Variants in TMPRSS15 observed in about 807,000 individuals in gnomAD.
The protein encoded by TMPRSS15 is enteropeptidase.
In TMPRSS15, 128 loss-of-function variants were observed where a neutral mutation model predicts 125.3. The observed-to-expected ratio is 1.02, with a 90% CI of 0.89 to 1.18. TMPRSS15 has a LOEUF of 1.18. TMPRSS15 is among the 50% of genes most tolerant of loss of function. The pLI is 0.00. For synonymous variants in TMPRSS15, 446 were observed against 423.2 expected (o/e 1.05, Z -0.66); for missense variants, 1,283 against 1,212.7 (o/e 1.06, Z -0.86).
At chr21:18,353,915 C>G in intron 8 of TMPRSS15, 52 bp from the exon 9 acceptor site, 1 of 1,539,268 alleles carries the variant, frequency 6.5e-7, no homozygotes, top group Non-Finnish European at 9.0e-7. Flanking sequence ...CTGTTCATCT[C>G]TCTATCCATC....
intron 18 of TMPRSS15, among the ~76,000 whole-genome samples, chr21:18,309,745 G>A (rs933536097): frequency 1.3e-5 from 2 of 152,162 alleles, no homozygotes; most frequent in Non-Finnish European, 2.9e-5. Flanking sequence ...TCTCACGCCA[G>A]TTAGAACGGT....
chr21:18,426,779 G>A (rs2076203422), intron 1 of TMPRSS15, among the ~76,000 whole-genome samples: 1 of 152,142 alleles, frequency 6.6e-6, no homozygotes, highest in South Asian at 2.1e-4. Flanking sequence ...AAATAAGAAT[G>A]TGGAAAAAAT....
chr21:18,279,742 T>C (rs1349796285), intron 22 of TMPRSS15, among the ~76,000 whole-genome samples: 1 of 152,192 alleles, frequency 6.6e-6, no homozygotes, highest in African/African-American at 2.4e-5. Flanking sequence ...GCCAGTTCTC[T>C]GAAAATTATG....
chr21:18,300,356 C>CT (rs10711798), intron 18 of TMPRSS15, among the ~76,000 whole-genome samples: 41 of 134,412 alleles, frequency 3.1e-4, no homozygotes, highest in Admixed American at 2.1e-3. Context: ...CTTTCTTTCT[C>CT]TTTTTTTTTT....
chr21:18,312,660 A>G (rs991571549), intron 18 of TMPRSS15, among the ~76,000 whole-genome samples: 1 of 151,898 alleles, frequency 6.6e-6, no homozygotes, highest in Non-Finnish European at 1.5e-5. Flanking sequence ...TCATCAAAAA[A>G]TATAAAATCA....
At chr21:18,312,442 G>C (rs372800483) in intron 18 of TMPRSS15, among the ~76,000 whole-genome samples, 1 of 150,406 alleles carries the variant, frequency 6.6e-6, no homozygotes, top group African/African-American at 2.4e-5. Flanking sequence ...ATACTGTAGC[G>C]GGAGAGGTTA....
At chr21:18,411,938 G>A (rs1014505252) in intron 1 of TMPRSS15, among the ~76,000 whole-genome samples, 4 of 152,136 alleles carry the variant, frequency 2.6e-5, no homozygotes, top group African/African-American at 9.7e-5. Context: ...CACGAACCAG[G>A]CTGGGAAAGA....
intron 1 of TMPRSS15, among the ~76,000 whole-genome samples, chr21:18,471,422 T>A (rs971538655): frequency 1.3e-5 from 2 of 151,960 alleles, no homozygotes; most frequent in African/African-American, 2.4e-5. Context: ...AATCTGTAAC[T>A]ATTTATTGTT....
At chr21:18,447,484 T>C (rs150107080) in intron 1 of TMPRSS15, among the ~76,000 whole-genome samples, 32 of 147,268 alleles carry the variant, frequency 2.2e-4, no homozygotes, top group African/African-American at 6.2e-4. Context: ...AACAAGTATA[T>C]TAAAAATGGT....
At chr21:18,468,278 C>T (rs2300508) in intron 1 of TMPRSS15, among the ~76,000 whole-genome samples, 69,481 of 151,868 alleles carry the variant, frequency 0.46, 16,860 homozygotes, top group East Asian at 0.91. Flanking sequence ...AGTGCTATAG[C>T]TTTTCCTCTG....
At chr21:18,475,412 C>T (rs1342177235) in intron 1 of TMPRSS15, among the ~76,000 whole-genome samples, 1 of 152,054 alleles carries the variant, frequency 6.6e-6, no homozygotes, top group Non-Finnish European at 1.5e-5. Context: ...GGCAACATGG[C>T]AAAACCTCAT....
chr21:18,461,759 TG>T (rs1303740516), intron 1 of TMPRSS15, among the ~76,000 whole-genome samples: 3 of 152,098 alleles, frequency 2.0e-5, no homozygotes, highest in African/African-American at 7.2e-5. Flanking sequence ...ATATAATTTT[TG>T]TCATAACTTA....
At chr21:18,434,913 G>T (rs2076224552) in intron 1 of TMPRSS15, among the ~76,000 whole-genome samples, 3 of 151,888 alleles carry the variant, frequency 2.0e-5, no homozygotes, top group Admixed American at 2.0e-4. Flanking sequence ...TCTGTACTTA[G>T]AATTTATTTG....
intron 17 of TMPRSS15, among the ~76,000 whole-genome samples, chr21:18,314,164 C>T (rs1271170113): frequency 6.6e-6 from 1 of 152,124 alleles, no homozygotes; most frequent in South Asian, 2.1e-4. Flanking sequence ...GCAGTGACTA[C>T]AGAATTATAC....
intron 3 of TMPRSS15, among the ~76,000 whole-genome samples, chr21:18,389,713 C>T (rs2075975422): frequency 2.0e-5 from 3 of 152,070 alleles, no homozygotes; most frequent in Admixed American, 2.0e-4. Flanking sequence ...TTCATTTGAC[C>T]TTCTGCCATT....
chr21:18,276,412 C>T (rs534197495), intron 23 of TMPRSS15, among the ~76,000 whole-genome samples: 19 of 152,250 alleles, frequency 1.2e-4, no homozygotes, highest in Non-Finnish European at 2.2e-4. Flanking sequence ...GATAACTTTT[C>T]AAGTTTGACA....
At chr21:18,319,282 T>C (rs910841497) in intron 16 of TMPRSS15, among the ~76,000 whole-genome samples, 2 of 152,096 alleles carry the variant, frequency 1.3e-5, no homozygotes, top group African/African-American at 4.8e-5. Context: ...AATACTACTT[T>C]TGTCTTTGGT....
At chr21:18,347,110 T>C (rs891182419) in intron 10 of TMPRSS15, among the ~76,000 whole-genome samples, 1 of 152,144 alleles carries the variant, frequency 6.6e-6, no homozygotes, top group African/African-American at 2.4e-5. Flanking sequence ...GTATCAATTT[T>C]TTGAGGTCAT....
intron 1 of TMPRSS15, among the ~76,000 whole-genome samples, chr21:18,419,119 G>A (rs1311664664): frequency 6.6e-6 from 1 of 151,830 alleles, no homozygotes; most frequent in African/African-American, 2.4e-5. Flanking sequence ...TCCAAAAACA[G>A]TCTTACTCAT....
Sources: gnomAD v4.1 joint callset for allele counts (sites outside exome capture counted in the v4.1 genomes callset) on GRCh38, gnomAD v4.1.1 for gene constraint, MANE v1.5 for transcripts, NCBI Gene and HGNC (gene_info 2026-07-23, HGNC 2026-07-21) for gene names.